ZNF567: variants seen among roughly 807,000 people sequenced by gnomAD.
ZNF567 encodes the protein zinc finger protein 567.
A neutral mutation model predicts 53.9 loss-of-function variants in ZNF567; 36 were observed. The ratio of observed to expected loss-of-function variants is 0.67; its 90% CI spans 0.51 to 0.88. The LOEUF (loss-of-function observed/expected upper bound fraction) is 0.88, where lower values mean the gene tolerates loss of function less well. Ranked by LOEUF, ZNF567 falls within the 40% of genes least tolerant of loss-of-function variation. The pLI, the probability that ZNF567 is intolerant of heterozygous loss-of-function variation, is 0.00. For synonymous variants in ZNF567, 224 were observed against 260.4 expected (o/e 0.86, Z 1.35); for missense variants, 619 against 764.7 (o/e 0.81, Z 2.25).
chr19:36,725,174 A>G (rs2040330664), downstream of ZNF567, among the ~76,000 whole-genome samples: 1 of 139,004 alleles, frequency 7.2e-6, no homozygotes, highest in Non-Finnish European at 1.5e-5. Flanking sequence ...TACTTTCAAG[A>G]TTTTTATTTT....
chr19:36,710,387 TTTTG>T (rs1349236603), intron 3 of ZNF567, among the ~76,000 whole-genome samples: 1 of 151,916 alleles, frequency 6.6e-6, no homozygotes, highest in Non-Finnish European at 1.5e-5. Flanking sequence ...CCCCACTCCT[TTTTG>T]TTTTGTTTTG....
At chr19:36,696,464 A>G (rs1356880075) in intron 3 of ZNF567, among the ~76,000 whole-genome samples, 1 of 152,186 alleles carries the variant, frequency 6.6e-6, no homozygotes, top group East Asian at 1.9e-4. Context: ...CAGATCCTTC[A>G]TGCACATGTC....
At chr19:36,671,488 C>T in the ZNF567 span, among the ~76,000 whole-genome samples, 1 of 152,188 alleles carries the variant, frequency 6.6e-6, no homozygotes, top group Non-Finnish European at 1.5e-5. Context: ...TGTTAGTTTA[C>T]AGCGGGGCCC....
At position 36,721,230 on chromosome 19, in the gene ZNF567, T is replaced by C. The variant is rs542031274; in HGVS notation, c.*562T>C. On this transcript the variant is annotated 3_prime_UTR_variant, in exon 6 of 6. Coordinates refer to ENST00000682579, the MANE Select transcript of ZNF567 (RefSeq NM_001322917.1). The stretch of plus-strand genomic sequence containing the variant: ...GGCAGTAGTGTATTTTCATTTTGCA[T>C]ACTATTCCATTTTAAGAATATATTG... The C allele has an allele frequency of 6.6e-6, 1 of 152,358 alleles. No individual in the cohort carries two copies. The highest frequency in any genetic ancestry group is 1.9e-4 in the East Asian group (1 of 5,194). The allele number at this position is 152,358 out of a possible 1,614,324, so 9.4% of individuals were successfully genotyped here. A position where few individuals can be genotyped will look rare whatever the true frequency, so the allele number is the denominator to read the frequency against.
chr19:36,694,717 T>C (rs938649952), intron 2 of ZNF567, 85 bp from the exon 3 acceptor site: 4 of 666,216 alleles, frequency 6.0e-6, no homozygotes, highest in African/African-American at 1.9e-5. Context: ...ACAAGGGAAA[T>C]GGAGGCAATT....
At chr19:36,697,591 C>G (rs568900864) in intron 3 of ZNF567, among the ~76,000 whole-genome samples, 1 of 151,316 alleles carries the variant, frequency 6.6e-6, no homozygotes, top group South Asian at 2.1e-4. Flanking sequence ...TTGATATTAG[C>G]TATAGGATTA....
At chr19:36,694,583 T>A (rs150126247) in intron 2 of ZNF567, among the ~76,000 whole-genome samples, 9 of 152,284 alleles carry the variant, frequency 5.9e-5, no homozygotes, top group Non-Finnish European at 1.3e-4. Context: ...GAGAGGAGCT[T>A]GCCCAAAATC....
chr19:36,701,457 A>G (rs1164995493), intron 3 of ZNF567, among the ~76,000 whole-genome samples: 2 of 151,530 alleles, frequency 1.3e-5, no homozygotes, highest in Non-Finnish European at 2.9e-5. Flanking sequence ...TGCAGAGCTG[A>G]GTTCAATTCC....
At chr19:36,714,344 A>G (rs1325548846) in intron 5 of ZNF567, 1 of 353,740 alleles carries the variant, frequency 2.8e-6, no homozygotes, top group Non-Finnish European at 5.0e-6. Context: ...TTGTATTTTT[A>G]GTAGAGATGG....
chr19:36,668,540 G>C, the ZNF567 span: 49,809 of 152,312 alleles, frequency 0.33, 8,370 homozygotes, highest in East Asian at 0.57. Flanking sequence ...CGACCAGGAA[G>C]GTCTGAGATG....
At chr19:36,697,251 A>G (rs2038933751) in intron 3 of ZNF567, among the ~76,000 whole-genome samples, 1 of 152,126 alleles carries the variant, frequency 6.6e-6, no homozygotes, top group Non-Finnish European at 1.5e-5. Context: ...GCTGCTGTAA[A>G]TGGTGTTCAT....
intron 3 of ZNF567, among the ~76,000 whole-genome samples, chr19:36,697,649 G>A (rs1451304139): frequency 6.9e-6 from 1 of 145,778 alleles, no homozygotes; most frequent in Non-Finnish European, 1.5e-5. Flanking sequence ...GTCTTGTCCT[G>A]TCATCCAGGC....
At chr19:36,697,892 T>C (rs2038965149) in intron 3 of ZNF567, among the ~76,000 whole-genome samples, 1 of 151,582 alleles carries the variant, frequency 6.6e-6, no homozygotes, top group Admixed American at 6.6e-5. Context: ...ATTACAGGTG[T>C]GAGCCACCAT....
the ZNF567 span, among the ~76,000 whole-genome samples, chr19:36,678,284 G>T: frequency 6.6e-6 from 1 of 152,144 alleles, no homozygotes; most frequent in Admixed American, 6.5e-5. Context: ...TCACCATCAT[G>T]CCTCTGTGTC....
chr19:36,686,085 A>G (rs946258252), upstream of ZNF567: 1 of 152,242 alleles, frequency 6.6e-6, no homozygotes, highest in South Asian at 2.1e-4. Context: ...AAGTCTCACA[A>G]TATCACTTCC....
At chr19:36,723,465 CATGTTT>C (rs2145937018), downstream of ZNF567, 1 of 499,592 alleles carries the variant, frequency 2.0e-6, no homozygotes, top group African/African-American at 2.0e-5. Flanking sequence ...TACATATATT[CATGTTT>C]TATAGCTCTT....
chr19:36,717,697 C>A (rs2040126664), intron 5 of ZNF567, among the ~76,000 whole-genome samples: 1 of 152,084 alleles, frequency 6.6e-6, no homozygotes, highest in Middle Eastern at 3.2e-3. Context: ...TAGATGATTG[C>A]AAGGTAAGTA....
chr19:36,725,015 A>C (rs2040330120), downstream of ZNF567, among the ~76,000 whole-genome samples: 1 of 151,950 alleles, frequency 6.6e-6, no homozygotes, highest in Non-Finnish European at 1.5e-5. Flanking sequence ...TTCATTCTTG[A>C]ACATAGTTTG....
At chr19:36,724,249 G>A (rs560144735), downstream of ZNF567, among the ~76,000 whole-genome samples, 12 of 151,644 alleles carry the variant, frequency 7.9e-5, no homozygotes, top group South Asian at 4.2e-4. Flanking sequence ...CAGGTGATCC[G>A]CCCACCTCGG....
Sources: allele counts gnomAD v4.1 joint callset (sites outside exome capture counted in the v4.1 genomes callset), GRCh38; gene constraint gnomAD v4.1.1; transcripts MANE v1.5; gene names NCBI Gene and HGNC (gene_info 2026-07-23, HGNC 2026-07-21).